Variants in CEP85 observed in about 807,000 individuals in gnomAD.
The protein encoded by CEP85 is centrosomal protein of 85 kDa.
Under a neutral mutation model 93.7 loss-of-function variants are expected in CEP85, and 58 were observed. That is an observed-to-expected ratio of 0.62 (90% confidence interval 0.50 to 0.77). The LOEUF (loss-of-function observed/expected upper bound fraction) is 0.77, where lower values mean the gene tolerates loss of function less well. CEP85 is among the 30% of genes least tolerant of loss of function. The pLI, the probability that CEP85 is intolerant of heterozygous loss-of-function variation, is 0.00. For synonymous variants in CEP85, 314 were observed against 338.6 expected, an observed-to-expected ratio of 0.93 and a Z score of 0.80; for missense variants, 868 against 922.0, an observed-to-expected ratio of 0.94 and a Z score of 0.76.
chr1:26,255,890 T>C (rs1465579981), intron 4 of CEP85, 25 bp downstream of exon 4: 17 of 1,567,412 alleles, frequency 1.1e-5, no homozygotes, highest in Non-Finnish European at 1.5e-5. Flanking sequence ...TTCCTTGGAT[T>C]TTCTAGGTTC....
intron 7 of CEP85, among the ~76,000 whole-genome samples, chr1:26,261,712 T>C (rs2089810932): frequency 9.8e-6 from 1 of 101,678 alleles, no homozygotes; most frequent in Non-Finnish European, 2.3e-5. Context: ...CTGAACAACA[T>C]AGTGAGACTC....
In CEP85 at chr1:26,274,953, G is replaced by A. The variant is rs1489283814; in HGVS notation, c.1795-11G>A. The A allele has an allele frequency of 4.5e-6, 7 of 1,556,084 alleles. No homozygotes were observed. Among genetic ancestry groups the A allele is most frequent in the Admixed American group, 1.9e-5 (1 of 51,782 alleles). ...TACTGTGTTCCCTCAACATCTTGCT[G>A]TGTGATTCAGAGCCTAGAGCAGGAA... On this transcript the variant is annotated splice_polypyrimidine_tract_variant and intron_variant, in intron 11 of 13. Coordinates refer to ENST00000451429, the MANE Select transcript of CEP85 (RefSeq NM_001319944.2).
At chr1:26,239,728 C>A (rs2089390987) in intron 1 of CEP85, 34 bp from the exon 2 acceptor site, 2 of 1,271,232 alleles carry the variant, frequency 1.6e-6, no homozygotes, top group East Asian at 4.6e-5. Flanking sequence ...AAAGATACTT[C>A]AGAGAACTGA....
intron 2 of CEP85, among the ~76,000 whole-genome samples, chr1:26,243,584 G>C (rs532608783): frequency 6.6e-6 from 1 of 152,250 alleles, no homozygotes; most frequent in East Asian, 1.9e-4. Context: ...GGCTTTACAG[G>C]TTTCAATAAA....
At position 26,271,630 on chromosome 1, in the gene CEP85, C is replaced by T. The variant is rs186548884; in HGVS notation, c.1744-391C>T. 88 of 209,562 alleles carry T rather than the reference C, an allele frequency of 4.2e-4. 1 individual carries two copies. The highest frequency in any genetic ancestry group is 3.4e-4 in the Non-Finnish European group (35 of 103,772). The allele number at this position is 209,562 out of a possible 1,614,324, so 13.0% of individuals were successfully genotyped here. On this transcript the variant is annotated intron_variant, in intron 10 of 13. Coordinates refer to ENST00000451429, the MANE Select transcript of CEP85 (RefSeq NM_001319944.2). ...CGACCAGAGCTGTAAATAACAACAA[C>T]CATCATAGTGCTAGAAATGGCAAGC...
Position 26,277,314 on chromosome 1 carries a change from C to T in CEP85, c.*21C>T. Reference sequence around the variant, plus strand: ...AGTGAGGAATTCTGGGGGATTCCCCCAGGGAGGAGCTGGGCTGCTGAGAGC... The same window carrying T: ...AGTGAGGAATTCTGGGGGATTCCCCTAGGGAGGAGCTGGGCTGCTGAGAGC... On this transcript the variant is annotated 3_prime_UTR_variant, in exon 14 of 14. Transcript: ENST00000451429. 1 of 1,601,276 alleles carries T rather than the reference C, an allele frequency of 6.2e-7. No homozygotes were observed.
intron 5 of CEP85, 143 bp from the exon 6 acceptor site, chr1:26,258,000 T>C: frequency 1.4e-6 from 1 of 731,440 alleles, no homozygotes; most frequent in Non-Finnish European, 2.4e-6. Context: ...CAGTTATCTT[T>C]CTCATTTGTT....
chr1:26,256,956 T>TGTGTGTGTGTGTG (rs1557658491), intron 4 of CEP85, among the ~76,000 whole-genome samples: 19 of 149,576 alleles, frequency 1.3e-4, no homozygotes, highest in Non-Finnish European at 2.4e-4. Context: ...TGTGTGTGTG[T>TGTGTGTGTGTGTG]TTTGGAGACA....
intron 3 of CEP85, among the ~76,000 whole-genome samples, chr1:26,249,180 C>T (rs1450753588): frequency 6.6e-6 from 1 of 152,222 alleles, no homozygotes; most frequent in African/African-American, 2.4e-5. Flanking sequence ...CTCCCGGGTT[C>T]AAGCGATTCT....
intron 2 of CEP85, among the ~76,000 whole-genome samples, chr1:26,241,826 A>G (rs1489431716): frequency 3.3e-5 from 5 of 151,940 alleles, no homozygotes; most frequent in Non-Finnish European, 7.4e-5. Flanking sequence ...CAGTGGCACA[A>G]TCTCAGCTCA....
At chr1:26,271,735 C>G (rs1345037734) in intron 10 of CEP85, 1 of 400,992 alleles carries the variant, frequency 2.5e-6, no homozygotes, top group East Asian at 3.9e-5. Context: ...ATTGATTCCA[C>G]TGGCCTGCAG....
chr1:26,246,910 C>T (rs2089518176), intron 3 of CEP85, among the ~76,000 whole-genome samples: 1 of 152,074 alleles, frequency 6.6e-6, no homozygotes, highest in Non-Finnish European at 1.5e-5. Context: ...TTGCATGATT[C>T]CCTTTATATC....
intron 2 of CEP85, among the ~76,000 whole-genome samples, chr1:26,243,892 G>A (rs1315874685): frequency 6.6e-6 from 1 of 151,074 alleles, no homozygotes; most frequent in Non-Finnish European, 1.5e-5. Flanking sequence ...CAGCTACTCG[G>A]GAGGCTAAGG....
chr1:26,269,770 T>C (rs1291603049), intron 9 of CEP85, among the ~76,000 whole-genome samples, 156 bp downstream of exon 9: 2 of 148,884 alleles, frequency 1.3e-5, no homozygotes, highest in East Asian at 3.9e-4. Context: ...GAAAGCTGCT[T>C]ATGGGAAGCG....
intron 7 of CEP85, among the ~76,000 whole-genome samples, chr1:26,261,199 G>A (rs1292461052): frequency 3.3e-5 from 5 of 151,968 alleles, no homozygotes; most frequent in Non-Finnish European, 7.4e-5. Context: ...TAGGCTGGGC[G>A]CCGTGGCTCA....
In CEP85 at chr1:26,277,371, CTT is replaced by C; in HGVS notation, c.*79_*80del. On this transcript the variant is annotated 3_prime_UTR_variant, in exon 14 of 14. Coordinates refer to ENST00000451429, the MANE Select transcript of CEP85 (RefSeq NM_001319944.2). ...CAGCAGGTTTCTGCCCTGACATTCT[CTT>C]GTCTGCTATTCCCAGAGAGGTCTCA... The C allele has an allele frequency of 7.1e-7, 1 of 1,414,534 alleles. No individual in the cohort carries two copies. The allele number at this position is 1,414,534 out of a possible 1,614,324, so 87.6% of individuals were successfully genotyped here.
Position 26,259,697 on chromosome 1 carries a change from T to A in CEP85, c.1236T>A (p.Leu412=). The change falls in exon 7 of 14, where the codon CTT becomes CTA. Residue 412 remains leucine (L), a synonymous_variant. Transcript: ENST00000451429. ...CCTTGAGCAGAGAAAAGATTGACCT[T>A]GAAAAGAAACTCTCTGCTTCTGAAG... ...TEALSREKID[L]EKKLSASEVE... is the part of the protein sequence containing the mutation. 2 of 1,614,074 alleles carry A rather than the reference T, an allele frequency of 1.2e-6. No homozygotes were observed. The highest frequency in any genetic ancestry group is 1.7e-6 in the Non-Finnish European group (2 of 1,179,970).
chr1:26,251,544 C>T (rs1193374245), intron 3 of CEP85, among the ~76,000 whole-genome samples: 1 of 152,148 alleles, frequency 6.6e-6, no homozygotes, highest in East Asian at 1.9e-4. Context: ...AGCCACCATG[C>T]CCGGCCCCAA....
rs1206219629 is a variant in CEP85, at chr1:26,236,519, T to A, written c.-23+2209T>A. Among the ~76,000 whole-genome samples the A allele has an allele frequency of 3.3e-5, 5 of 152,362 alleles. No homozygotes were observed. In the East Asian group the frequency reaches 9.6e-4, roughly 29 times the overall value. On this transcript the variant is annotated intron_variant, in intron 1 of 13. Transcript: ENST00000451429. ...CCAGGAAATTTCTGTCTCCTTCAGTTGTCCCAAAAATTTCCACCAGTAGCT... is the reference window on the plus strand; with the variant it reads ...CCAGGAAATTTCTGTCTCCTTCAGTAGTCCCAAAAATTTCCACCAGTAGCT...
Sources: gnomAD v4.1 joint callset for allele counts (sites outside exome capture counted in the v4.1 genomes callset) on GRCh38, gnomAD v4.1.1 for gene constraint, MANE v1.5 for transcripts, NCBI Gene and HGNC (gene_info 2026-07-23, HGNC 2026-07-21) for gene names.